The following SMG6 variants were observed in gnomAD, a reference collection of about 807,000 sequenced individuals.
SMG6 encodes the protein telomerase-binding protein EST1A.
In SMG6, 66 loss-of-function variants were observed where a neutral mutation model predicts 142.2. The observed-to-expected ratio is 0.46, with a 90% CI of 0.38 to 0.57. The LOEUF (loss-of-function observed/expected upper bound fraction) is 0.57, where lower values mean the gene tolerates loss of function less well. Ranked by LOEUF, SMG6 falls within the 20% of genes least tolerant of loss-of-function variation. SMG6 has a pLI of 0.00. For synonymous variants in SMG6, 779 were observed against 702.4 expected (o/e 1.11, Z -1.72); for missense variants, 1,793 against 1,832.0 (o/e 0.98, Z 0.39).
At chr17:2,079,310 G>A (rs115091103) in intron 15 of SMG6, among the ~76,000 whole-genome samples, 232 of 152,340 alleles carry the variant, frequency 1.5e-3, no homozygotes, top group African/African-American at 5.5e-3. Context: ...GCTGGGTTGA[G>A]AGTCAAGAAA....
intron 13 of SMG6, among the ~76,000 whole-genome samples, chr17:2,139,434 T>G (rs2070405069): frequency 6.6e-6 from 1 of 151,132 alleles, no homozygotes; most frequent in Non-Finnish European, 1.5e-5. Context: ...TCTTTTTTTT[T>G]TTTTTGAGAT....
At chr17:2,111,682 G>C (rs959511975) in intron 13 of SMG6, among the ~76,000 whole-genome samples, 1 of 152,188 alleles carries the variant, frequency 6.6e-6, no homozygotes, top group African/African-American at 2.4e-5. Flanking sequence ...GGGATTACAG[G>C]CATGAGCTAC....
chr17:2,267,465 CGGGATT>C (rs2151348159), intron 8 of SMG6, among the ~76,000 whole-genome samples: 1 of 151,986 alleles, frequency 6.6e-6, no homozygotes, highest in South Asian at 2.1e-4. Context: ...CCCAATGTGC[CGGGATT>C]ATACCGGCGT....
At chr17:2,218,545 C>CA (rs1044424953) in intron 10 of SMG6, among the ~76,000 whole-genome samples, 7 of 150,914 alleles carry the variant, frequency 4.6e-5, no homozygotes, top group African/African-American at 9.7e-5. Context: ...GACTCCGTCT[C>CA]AAAAAAAAAG....
At chr17:2,096,341 G>C (rs1374348963) in intron 13 of SMG6, among the ~76,000 whole-genome samples, 1 of 152,122 alleles carries the variant, frequency 6.6e-6, no homozygotes, top group Non-Finnish European at 1.5e-5. Context: ...CTGAGTAGCT[G>C]GGATTCACAG....
chr17:2,297,213 A>G, intron 4 of SMG6, 30 bp downstream of exon 4: 7 of 1,509,632 alleles, frequency 4.6e-6, no homozygotes, highest in Non-Finnish European at 5.4e-6. Flanking sequence ...AATGAATGAA[A>G]ATTTAAGATA....
chr17:2,061,632 TGA>T lies in SMG6; in HGVS notation c.4130-12_4130-11del, dbSNP rs1202209340. On this transcript the variant is annotated splice_polypyrimidine_tract_variant and intron_variant, in intron 18 of 18. Coordinates refer to ENST00000263073, the MANE Select transcript of SMG6 (RefSeq NM_017575.5). ...AGCCGGATTGGCTCCTCTGTGGGCA[TGA>T]GAGAGCAGAAGGCTGTCACTGAGGA... The T allele has an allele frequency of 7.0e-6, 11 of 1,567,476 alleles. No individual in the cohort carries two copies. The East Asian group carries it at 2.4e-4, about 34-fold the overall frequency.
chr17:2,086,248 A>G (rs1465466123), intron 13 of SMG6, among the ~76,000 whole-genome samples: 8 of 152,236 alleles, frequency 5.3e-5, no homozygotes. Flanking sequence ...TAGAACCAGC[A>G]GAGGGAAGAG....
chr17:2,094,928 G>A (rs1417153172), intron 13 of SMG6: 9 of 152,204 alleles, frequency 5.9e-5, no homozygotes, highest in African/African-American at 2.2e-4. Context: ...GGCTGTACCA[G>A]AAAGGTACAT....
At chr17:2,301,173 C>T (rs1236653533) in intron 1 of SMG6, among the ~76,000 whole-genome samples, 1 of 152,172 alleles carries the variant, frequency 6.6e-6, no homozygotes, top group Non-Finnish European at 1.5e-5. Context: ...GGTATTATAA[C>T]AATTATCAGT....
chr17:2,174,856 G>C (rs569274214), intron 12 of SMG6, among the ~76,000 whole-genome samples: 3 of 152,148 alleles, frequency 2.0e-5, no homozygotes, highest in Non-Finnish European at 2.9e-5. Context: ...TGGGAAACGC[G>C]GCATTCAGGC....
chr17:2,111,523 T>C (rs183358427), intron 13 of SMG6, among the ~76,000 whole-genome samples: 21 of 152,282 alleles, frequency 1.4e-4, no homozygotes, highest in African/African-American at 4.8e-4. Context: ...GCGATCCTTC[T>C]ACCTCAGCCT....
At chr17:2,188,544 G>A (rs746774879) in intron 10 of SMG6, 29 bp from the exon 11 acceptor site, 23 of 1,593,508 alleles carry the variant, frequency 1.4e-5, no homozygotes, top group South Asian at 3.3e-5. Flanking sequence ...AACTCTCAGC[G>A]CCCCAGGCGG....
rs1467441844 is a variant in SMG6 at position 2,075,329 on chromosome 17, CAG to C, written c.3682-6400_3682-6399del. Among the ~76,000 whole-genome samples, 4 of 152,152 alleles carry C rather than the reference CAG, an allele frequency of 2.6e-5. No homozygotes were observed. In the South Asian group the frequency reaches 6.2e-4, roughly 24 times the overall value. On this transcript the variant is annotated intron_variant, in intron 15 of 18. Transcript: ENST00000263073. ...GGAGGGCGGGTGGGCGGGAAAGGGA[CAG>C]GGGAGAGAAGCTATTTTGAGAACAC...
chr17:2,099,171 T>A (rs962076628), intron 13 of SMG6, among the ~76,000 whole-genome samples: 1 of 152,060 alleles, frequency 6.6e-6, no homozygotes, highest in African/African-American at 2.4e-5. Context: ...CCAGAGGACA[T>A]CACGGAGGTG....
chr17:2,173,845 CTTTTTTTT>C (rs35215989), intron 12 of SMG6, among the ~76,000 whole-genome samples: 16 of 74,826 alleles, frequency 2.1e-4, no homozygotes, highest in East Asian at 1.9e-3. Context: ...ATCCATAAAG[CTTTTTTTT>C]TTTTTTTTTT....
At chr17:2,082,134 G>A (rs967378819) in intron 14 of SMG6, 178 bp from the exon 15 acceptor site, 1 of 613,260 alleles carries the variant, frequency 1.6e-6, no homozygotes, top group African/African-American at 1.8e-5. Context: ...GACAAAAGCT[G>A]TCACTCTTCC....
At chr17:2,067,844 A>C (rs1389337434) in intron 16 of SMG6, among the ~76,000 whole-genome samples, 1 of 152,106 alleles carries the variant, frequency 6.6e-6, no homozygotes, top group Non-Finnish European at 1.5e-5. Context: ...TGGGACTGGG[A>C]GGGAAGGCCC....
intron 8 of SMG6, among the ~76,000 whole-genome samples, chr17:2,269,723 G>A (rs905090659): frequency 6.6e-6 from 1 of 152,154 alleles, no homozygotes; most frequent in Non-Finnish European, 1.5e-5. Flanking sequence ...GATTTGGGAA[G>A]AGGCAGCATG....
Sources: allele counts gnomAD v4.1 joint callset (sites outside exome capture counted in the v4.1 genomes callset), GRCh38; gene constraint gnomAD v4.1.1; transcripts MANE v1.5; gene names NCBI Gene and HGNC (gene_info 2026-07-23, HGNC 2026-07-21).